CALN1: variants seen among roughly 807,000 people sequenced by gnomAD.
The protein encoded by CALN1 is calneuron 1.
Under a neutral mutation model 30.6 loss-of-function variants are expected in CALN1, and 17 were observed. The observed-to-expected ratio is 0.56, with a 90% CI of 0.38 to 0.83. The LOEUF (loss-of-function observed/expected upper bound fraction) is 0.83, where lower values mean the gene tolerates loss of function less well. Among genes scored for constraint, CALN1 ranks in the 40% least tolerant of loss-of-function variants. The probability of loss-of-function intolerance (pLI) is 0.00; values close to 1 mark genes in which losing one functional copy is unlikely to be tolerated. For synonymous variants in CALN1, 156 were observed against 131.4 expected (o/e 1.19, Z -1.28); for missense variants, 291 against 354.9 (o/e 0.82, Z 1.45).
chr7:72,099,199 A>C (rs1806464856), intron 4 of CALN1, among the ~76,000 whole-genome samples: 1 of 151,536 alleles, frequency 6.6e-6, no homozygotes. Context: ...CTGCCTGCCC[A>C]GATACTGGGG....
chr7:72,225,953 G>A (rs946480443), intron 3 of CALN1, among the ~76,000 whole-genome samples: 25 of 151,990 alleles, frequency 1.6e-4, no homozygotes, highest in African/African-American at 5.1e-4. Flanking sequence ...AAAATTAGCC[G>A]GGTGTGGTGG....
the CALN1 span, among the ~76,000 whole-genome samples, chr7:72,460,698 A>C: frequency 3.5e-3 from 539 of 152,274 alleles, 4 homozygotes; most frequent in African/African-American, 0.012. Flanking sequence ...CTGTGAACGC[A>C]TGGGATACAT....
intron 3 of CALN1, among the ~76,000 whole-genome samples, chr7:72,277,149 C>G (rs113549350): frequency 2.0e-5 from 3 of 152,140 alleles, no homozygotes; most frequent in South Asian, 2.1e-4. Context: ...GTGGCCCTCC[C>G]CAGACATCAA....
intron 2 of CALN1, among the ~76,000 whole-genome samples, chr7:72,322,433 G>C (rs900031578): frequency 3.9e-5 from 6 of 152,180 alleles, no homozygotes; most frequent in African/African-American, 1.4e-4. Flanking sequence ...GGACCAGTCA[G>C]TACCCATCCA....
At chr7:72,481,854 C>T in the CALN1 span, among the ~76,000 whole-genome samples, 1 of 152,182 alleles carries the variant, frequency 6.6e-6, no homozygotes, top group African/African-American at 2.4e-5. Context: ...TATTTGTATA[C>T]TTTGACATTT....
intron 5 of CALN1, among the ~76,000 whole-genome samples, chr7:71,810,730 A>T (rs1161290879): frequency 6.6e-6 from 1 of 152,152 alleles, no homozygotes; most frequent in Non-Finnish European, 1.5e-5. Context: ...GGAGAAAAAA[A>T]ATGCCACCCG....
At chr7:72,031,730 G>A (rs1801450651) in intron 4 of CALN1, among the ~76,000 whole-genome samples, 1 of 145,268 alleles carries the variant, frequency 6.9e-6, no homozygotes. Flanking sequence ...ACCACGCCTG[G>A]CTAATTTTTT....
rs6976077 is a variant in CALN1 at position 72,240,741 on chromosome 7, A to C, written c.244+37945T>G. 4.8e-3 allele frequency among the ~76,000 whole-genome samples: 724 copies of C among 152,282 alleles called. 5 individuals carry two copies. The highest frequency in any genetic ancestry group is 0.016 in the African/African-American group (649 of 41,542). ...AGCTGGCAAAGAAATCCAGTCATTC[A>C]CTGAGTGTGGGCAGTGTTCTTGGAG... is the stretch of plus-strand genomic sequence containing the variant. On this transcript the variant is annotated intron_variant, in intron 3 of 6. Coordinates refer to ENST00000395275, the MANE Select transcript of CALN1 (RefSeq NM_031468.4).
At chr7:72,279,389 G>C (rs1040852229) in intron 2 of CALN1, among the ~76,000 whole-genome samples, 5 of 152,230 alleles carry the variant, frequency 3.3e-5, no homozygotes, top group Non-Finnish European at 5.9e-5. Context: ...TTGAGATGCA[G>C]ATGCTGCTTA....
intron 4 of CALN1, among the ~76,000 whole-genome samples, chr7:72,091,470 T>TCACA (rs1382714485): frequency 6.6e-6 from 1 of 152,228 alleles, no homozygotes; most frequent in Non-Finnish European, 1.5e-5. Flanking sequence ...GATTTGATCA[T>TCACA]CACACATCAT....
At chr7:72,447,715 GCA>G (rs1460509469), upstream of CALN1, among the ~76,000 whole-genome samples, 19 of 133,840 alleles carry the variant, frequency 1.4e-4, no homozygotes, top group Non-Finnish European at 3.1e-4. Context: ...GCCCATGCAC[GCA>G]CACACACCTG....
At chr7:71,889,966 GA>G (rs66707559) in intron 5 of CALN1, among the ~76,000 whole-genome samples, 17,570 of 128,230 alleles carry the variant, frequency 0.14, 1,417 homozygotes, top group East Asian at 0.45. Context: ...CTCTGTCTCG[GA>G]AAAAAAAAAA....
At chr7:72,068,632 C>A (rs183920796) in intron 4 of CALN1, among the ~76,000 whole-genome samples, 1 of 152,154 alleles carries the variant, frequency 6.6e-6, no homozygotes, top group Admixed American at 6.5e-5. Context: ...GGATAACAGA[C>A]GCCCGCCACC....
intron 2 of CALN1, among the ~76,000 whole-genome samples, chr7:72,400,849 C>T (rs1806290870): frequency 1.3e-5 from 2 of 152,176 alleles, no homozygotes; most frequent in African/African-American, 4.8e-5. Flanking sequence ...CTTCTGATAA[C>T]TCTCCTGGGC....
chr7:72,401,490 G>A (rs564070624), intron 2 of CALN1, among the ~76,000 whole-genome samples: 17 of 152,260 alleles, frequency 1.1e-4, no homozygotes, highest in African/African-American at 3.9e-4. Context: ...GCGTGTGTGC[G>A]CGCACACAAA....
intron 3 of CALN1, among the ~76,000 whole-genome samples, chr7:72,148,982 G>GAGGA (rs1554455636): frequency 1.4e-5 from 2 of 143,144 alleles, no homozygotes; most frequent in South Asian, 2.5e-4. Flanking sequence ...GGGAGGGAGG[G>GAGGA]AGGAAGGAAG....
At chr7:72,415,548 T>C (rs959017367), upstream of CALN1, among the ~76,000 whole-genome samples, 12 of 152,200 alleles carry the variant, frequency 7.9e-5, 1 homozygote, top group Admixed American at 5.9e-4. Flanking sequence ...TGGCAACAAC[T>C]TCTAAGTTTC....
chr7:72,198,899 C>G (rs1320413535), intron 3 of CALN1, among the ~76,000 whole-genome samples: 1 of 152,198 alleles, frequency 6.6e-6, no homozygotes, highest in East Asian at 1.9e-4. Context: ...TCACTAATCC[C>G]TGTACTTACC....
chr7:71,820,763 A>G (rs1023207305), intron 5 of CALN1, among the ~76,000 whole-genome samples: 2 of 152,172 alleles, frequency 1.3e-5, no homozygotes, highest in Non-Finnish European at 2.9e-5. Flanking sequence ...TTCATCAGAG[A>G]AATTACTTGA....
Sources: gnomAD v4.1 joint callset for allele counts (sites outside exome capture counted in the v4.1 genomes callset) on GRCh38, gnomAD v4.1.1 for gene constraint, MANE v1.5 for transcripts, NCBI Gene and HGNC (gene_info 2026-07-23, HGNC 2026-07-21) for gene names.